The following PTPRM variants were observed in gnomAD, a reference collection of about 807,000 sequenced individuals.
PTPRM encodes receptor-type tyrosine-protein phosphatase mu.
In PTPRM, 47 loss-of-function variants were observed where a neutral mutation model predicts 186.7. That is an observed-to-expected ratio of 0.25 (90% CI 0.20 to 0.32). The LOEUF (loss-of-function observed/expected upper bound fraction) is 0.32. Ranked by LOEUF, PTPRM falls within the 10% of genes least tolerant of loss-of-function variation. The pLI, the probability that PTPRM is intolerant of heterozygous loss-of-function variation, is 1.00. For synonymous variants in PTPRM, 668 were observed against 674.9 expected (o/e 0.99, Z 0.16); for missense variants, 1,494 against 1,865.0 (o/e 0.80, Z 3.66).
chr18:7,749,518 G>A (rs541070056), intron 1 of PTPRM: 2 of 152,290 alleles, frequency 1.3e-5, no homozygotes, highest in South Asian at 2.1e-4. Flanking sequence ...GATTATGGGT[G>A]TGTTTTTAAA....
intron 32 of PTPRM, chr18:8,405,006 A>G (rs2148659979): frequency 6.6e-6 from 1 of 152,260 alleles, no homozygotes; most frequent in African/African-American, 2.4e-5. Context: ...CTCAAGAAAA[A>G]TGAATCCAAT....
Position 7,972,205 on chromosome 18 carries a change from G to C in PTPRM, c.1132+16791G>C, listed in dbSNP as rs1417542711. Among the ~76,000 whole-genome samples, 2 of 131,090 alleles carry C rather than the reference G, an allele frequency of 1.5e-5. 1 individual carries two copies. Among genetic ancestry groups the C allele is most frequent in the South Asian group, 4.9e-4 (2 of 4,104 alleles). 86.0% of individuals were successfully genotyped at this position (131,090 alleles called of 152,430 possible). Reference sequence around the variant, plus strand: ...AAACCATCATTCTCAGTAAACTATCGCAAGAAGAAAAAACCAAACACCGCA... The same window carrying C: ...AAACCATCATTCTCAGTAAACTATCCCAAGAAGAAAAAACCAAACACCGCA... On this transcript the variant is annotated intron_variant, in intron 7 of 32. Transcript: ENST00000580170.
intron 13 of PTPRM, among the ~76,000 whole-genome samples, chr18:8,139,475 G>A (rs947173304): frequency 1.3e-5 from 2 of 152,140 alleles, no homozygotes; most frequent in African/African-American, 2.4e-5. Context: ...CACGGCTGCC[G>A]GGATAGTGTT....
At chr18:8,212,912 T>G (rs934066193) in intron 14 of PTPRM, among the ~76,000 whole-genome samples, 2 of 152,214 alleles carry the variant, frequency 1.3e-5, no homozygotes, top group African/African-American at 4.8e-5. Flanking sequence ...CTTCTTCAGA[T>G]CTTATGAACA....
chr18:7,626,805 T>A (rs2038073337), intron 1 of PTPRM, among the ~76,000 whole-genome samples: 1 of 152,198 alleles, frequency 6.6e-6, no homozygotes, highest in Middle Eastern at 3.4e-3. Context: ...TCCCCCCAAT[T>A]TGGCCTCCTG....
At chr18:8,321,471 A>C (rs2095345315) in intron 22 of PTPRM, among the ~76,000 whole-genome samples, 1 of 152,180 alleles carries the variant, frequency 6.6e-6, no homozygotes, top group Non-Finnish European at 1.5e-5. Flanking sequence ...GCCAATAGAG[A>C]AGTCACTTTC....
intron 8 of PTPRM, among the ~76,000 whole-genome samples, chr18:8,070,767 C>G (rs967311062): frequency 6.6e-6 from 1 of 152,034 alleles, no homozygotes; most frequent in African/African-American, 2.4e-5. Context: ...TAAATTTGAC[C>G]TAAAAATCAT....
At chr18:7,992,137 A>G (rs1255247141) in intron 7 of PTPRM, among the ~76,000 whole-genome samples, 1 of 152,108 alleles carries the variant, frequency 6.6e-6, no homozygotes, top group East Asian at 1.9e-4. Context: ...AGAGGGAGTT[A>G]TTATAACCTC....
chr18:8,010,852 A>T (rs541623472), intron 7 of PTPRM, among the ~76,000 whole-genome samples: 1 of 152,340 alleles, frequency 6.6e-6, no homozygotes, highest in African/African-American at 2.4e-5. Context: ...AGATACAAAG[A>T]TTATAGACTG....
chr18:7,649,006 C>T (rs1051906491), intron 1 of PTPRM, among the ~76,000 whole-genome samples: 1 of 152,188 alleles, frequency 6.6e-6, no homozygotes, highest in Non-Finnish European at 1.5e-5. Flanking sequence ...GGCCAACTCT[C>T]TTGTTAGGGA....
chr18:7,818,246 G>C (rs994138822), intron 2 of PTPRM, among the ~76,000 whole-genome samples: 2 of 152,134 alleles, frequency 1.3e-5, no homozygotes, highest in African/African-American at 4.8e-5. Flanking sequence ...TAGCTTAATA[G>C]TTAAGAAACT....
chr18:7,606,850 G>A (rs1045048953), intron 1 of PTPRM, among the ~76,000 whole-genome samples: 8 of 152,140 alleles, frequency 5.3e-5, no homozygotes, highest in African/African-American at 1.9e-4. Flanking sequence ...AGGAAGCTCC[G>A]TTGTTACTTT....
intron 14 of PTPRM, among the ~76,000 whole-genome samples, chr18:8,175,252 CA>C (rs1217104477): frequency 2.0e-5 from 3 of 152,134 alleles, no homozygotes; most frequent in Non-Finnish European, 2.9e-5. Flanking sequence ...ATAGTCAAGA[CA>C]AATTAATTTG....
intron 1 of PTPRM, among the ~76,000 whole-genome samples, chr18:7,623,564 G>A (rs2037990860): frequency 6.6e-6 from 1 of 152,068 alleles, no homozygotes; most frequent in Non-Finnish European, 1.5e-5. Context: ...ATTTTTAATA[G>A]CTGCATGTGA....
intron 11 of PTPRM, among the ~76,000 whole-genome samples, chr18:8,112,569 T>G (rs1259355583): frequency 6.6e-6 from 1 of 152,234 alleles, no homozygotes; most frequent in Non-Finnish European, 1.5e-5. Context: ...GGGAAGCTGT[T>G]GTCAGGCTTT....
chr18:7,999,614 A>C (rs1247804946), intron 7 of PTPRM, among the ~76,000 whole-genome samples: 1 of 151,800 alleles, frequency 6.6e-6, no homozygotes, highest in African/African-American at 2.4e-5. Flanking sequence ...GTGGTAAGGT[A>C]TTAGGTTGGT....
chr18:7,897,864 C>G (rs1003848622), intron 3 of PTPRM, among the ~76,000 whole-genome samples: 6 of 151,948 alleles, frequency 3.9e-5, no homozygotes, highest in Non-Finnish European at 7.4e-5. Flanking sequence ...ATACTTTTCT[C>G]TAAAGGGAAG....
intron 2 of PTPRM, among the ~76,000 whole-genome samples, chr18:7,851,414 G>T (rs1017730426): frequency 1.3e-5 from 2 of 152,054 alleles, no homozygotes; most frequent in African/African-American, 4.8e-5. Flanking sequence ...TCAAACTGCT[G>T]GGAACCAAAG....
At chr18:8,102,920 A>T (rs552176663) in intron 11 of PTPRM, among the ~76,000 whole-genome samples, 1 of 152,328 alleles carries the variant, frequency 6.6e-6, no homozygotes, top group East Asian at 1.9e-4. Flanking sequence ...TGCAAAATGG[A>T]TGTCATGTTA....
Sources: allele counts gnomAD v4.1 joint callset (sites outside exome capture counted in the v4.1 genomes callset), GRCh38; gene constraint gnomAD v4.1.1; transcripts MANE v1.5; gene names NCBI Gene and HGNC (gene_info 2026-07-23, HGNC 2026-07-21).